The following SPIDR variants were observed in gnomAD, a reference collection of about 807,000 sequenced individuals.
SPIDR encodes the protein scaffold protein involved in DNA repair, also known as DNA repair-scaffolding protein.
In SPIDR, 93 loss-of-function variants were observed where a neutral mutation model predicts 104.6. The ratio of observed to expected loss-of-function variants is 0.89; its 90% confidence interval spans 0.75 to 1.06. The LOEUF (loss-of-function observed/expected upper bound fraction) is 1.06, where lower values mean the gene tolerates loss of function less well. Among genes scored for constraint, SPIDR ranks in the 50% least tolerant of loss-of-function variants. The probability of loss-of-function intolerance (pLI) is 0.00; values close to 1 mark genes in which losing one functional copy is unlikely to be tolerated. For missense variants in SPIDR, 1,154 were observed against 1,111.2 expected, an observed-to-expected ratio of 1.04 and a Z score of -0.55; for synonymous variants, 431 against 416.9, an observed-to-expected ratio of 1.03 and a Z score of -0.41.
intron 8 of SPIDR, among the ~76,000 whole-genome samples, chr8:47,523,415 G>A (rs918274049): frequency 1.3e-5 from 2 of 152,174 alleles, no homozygotes; most frequent in African/African-American, 2.4e-5. Context: ...GAGGAAAGAC[G>A]CATTTCCACC....
chr8:47,626,770 A>G (rs2066197298), intron 10 of SPIDR, among the ~76,000 whole-genome samples: 1 of 152,198 alleles, frequency 6.6e-6, no homozygotes, highest in Admixed American at 6.5e-5. Flanking sequence ...AGAAATAGGA[A>G]CACTTTTACA....
At chr8:47,359,316 T>G (rs573668212) in intron 5 of SPIDR, among the ~76,000 whole-genome samples, 4 of 152,120 alleles carry the variant, frequency 2.6e-5, no homozygotes, top group African/African-American at 7.2e-5. Flanking sequence ...AATATCCACC[T>G]TGGCACATTC....
intron 10 of SPIDR, chr8:47,673,548 A>G (rs1261770910): frequency 1.4e-5 from 8 of 563,198 alleles, no homozygotes; most frequent in Non-Finnish European, 2.7e-5. Context: ...TGGTGGTTCA[A>G]ACACCTGCAT....
At chr8:47,311,155 G>A (rs1254924682) in intron 5 of SPIDR, among the ~76,000 whole-genome samples, 1 of 152,036 alleles carries the variant, frequency 6.6e-6, no homozygotes, top group Non-Finnish European at 1.5e-5. Context: ...AATTCTATAG[G>A]TAAAAAATAC....
intron 8 of SPIDR, among the ~76,000 whole-genome samples, chr8:47,524,142 G>A (rs1292937783): frequency 6.6e-6 from 1 of 152,154 alleles, no homozygotes; most frequent in African/African-American, 2.4e-5. Flanking sequence ...GCACATGTAT[G>A]CTAAAAAAAT....
intron 8 of SPIDR, among the ~76,000 whole-genome samples, chr8:47,591,534 G>A (rs928663307): frequency 3.3e-5 from 5 of 151,704 alleles, no homozygotes; most frequent in African/African-American, 9.7e-5. Context: ...CATACAAAAT[G>A]GTCACAAGCT....
chr8:47,446,897 T>G (rs1554702230), intron 8 of SPIDR, among the ~76,000 whole-genome samples: 1 of 152,040 alleles, frequency 6.6e-6, no homozygotes, highest in Non-Finnish European at 1.5e-5. Context: ...CTTTCAAGGG[T>G]CTGGGCAAAG....
At chr8:47,506,893 A>G (rs948329995) in intron 8 of SPIDR, among the ~76,000 whole-genome samples, 1 of 152,012 alleles carries the variant, frequency 6.6e-6, no homozygotes, top group East Asian at 1.9e-4. Context: ...GCAAGTTGAC[A>G]CTCCACTGTG....
chr8:47,358,731 ATTAC>A (rs1221076141), intron 5 of SPIDR, among the ~76,000 whole-genome samples: 9 of 152,176 alleles, frequency 5.9e-5, no homozygotes, highest in African/African-American at 2.2e-4. Context: ...TGATCCCTAT[ATTAC>A]TTCAGTAGCA....
intron 10 of SPIDR, among the ~76,000 whole-genome samples, chr8:47,612,316 C>G (rs148860787): frequency 1.4e-4 from 21 of 152,308 alleles, no homozygotes; most frequent in Middle Eastern, 3.4e-3. Flanking sequence ...AGCTGAACAT[C>G]TCTGAGGACC....
intron 8 of SPIDR, among the ~76,000 whole-genome samples, chr8:47,551,066 T>A (rs1191123870): frequency 1.3e-5 from 2 of 152,234 alleles, no homozygotes; most frequent in African/African-American, 4.8e-5. Flanking sequence ...ATGTGATGGA[T>A]TACATTTATT....
At chr8:47,603,980 T>C (rs959707264) in intron 10 of SPIDR, among the ~76,000 whole-genome samples, 5 of 152,066 alleles carry the variant, frequency 3.3e-5, no homozygotes, top group Non-Finnish European at 7.4e-5. Context: ...GAAAAAAAAA[T>C]CCACCATGCC....
intron 5 of SPIDR, among the ~76,000 whole-genome samples, chr8:47,371,194 A>G (rs1554638744): frequency 6.6e-6 from 1 of 151,710 alleles, no homozygotes; most frequent in Admixed American, 6.6e-5. Context: ...ACTACATGAA[A>G]CTGTTGTTTC....
At chr8:47,615,097 G>T (rs1265808019) in intron 10 of SPIDR, among the ~76,000 whole-genome samples, 1 of 151,320 alleles carries the variant, frequency 6.6e-6, no homozygotes, top group Non-Finnish European at 1.5e-5. Context: ...AAGAGACAGG[G>T]TCTTGCTCTG....
chr8:47,727,200 G>A lies in SPIDR; in HGVS notation c.2342G>A (p.Gly781Asp), dbSNP rs1314965894. Residue 781 changes from glycine to aspartate, a missense_variant and splice_region_variant, in exon 17 of 20, where the codon GGC (glycine) becomes GAC (aspartate). By Grantham distance (94) the Gly-to-Asp change is moderately conservative. Coordinates refer to ENST00000297423, the MANE Select transcript of SPIDR (RefSeq NM_001080394.4). Reference protein sequence around the residue: ...TPVNSICSVQGTVVGVDESTA... With the variant: ...TPVNSICSVQDTVVGVDESTA... Reference sequence around the variant, plus strand: ...TGGGCTTTCCTTCTCTTGGGCCTAGGCACTGTGGTTGGCGTGGACGAGAGC... The same window carrying A: ...TGGGCTTTCCTTCTCTTGGGCCTAGACACTGTGGTTGGCGTGGACGAGAGC... 6.2e-7 allele frequency: 1 copy of A among 1,613,996 alleles called. No individual in the cohort carries two copies. The highest frequency in any genetic ancestry group is 1.1e-5 in the South Asian group (1 of 91,082).
At chr8:47,271,323 C>T (rs1442638158) in intron 1 of SPIDR, among the ~76,000 whole-genome samples, 3 of 152,162 alleles carry the variant, frequency 2.0e-5, no homozygotes, top group African/African-American at 7.2e-5. Flanking sequence ...CTCCTTCCTT[C>T]TGAGACTCTT....
intron 16 of SPIDR, among the ~76,000 whole-genome samples, chr8:47,722,456 A>T (rs574456834): frequency 6.3e-4 from 96 of 152,336 alleles, no homozygotes; most frequent in African/African-American, 2.3e-3. Flanking sequence ...AGGGTTAACC[A>T]TGTATTTTCT....
intron 5 of SPIDR, among the ~76,000 whole-genome samples, chr8:47,383,193 C>T (rs2154301417): frequency 6.6e-6 from 1 of 152,334 alleles, no homozygotes. Context: ...GCCAGGTGCT[C>T]TGTGTCTTTG....
At chr8:47,660,411 AC>A (rs2073915229) in intron 10 of SPIDR, 2 of 981,566 alleles carry the variant, frequency 2.0e-6, no homozygotes, top group Non-Finnish European at 2.4e-6. Flanking sequence ...TTCATCTGGC[AC>A]CAGTTTTAAT....
Sources: allele counts gnomAD v4.1 joint callset (sites outside exome capture counted in the v4.1 genomes callset), GRCh38; gene constraint gnomAD v4.1.1; transcripts MANE v1.5; gene names NCBI Gene and HGNC (gene_info 2026-07-23, HGNC 2026-07-21).